SH3BGR: variants seen among roughly 807,000 people sequenced by gnomAD.
SH3BGR encodes SH3 domain-binding glutamic acid-rich protein.
SH3BGR carries 29 observed loss-of-function variants against 24.5 expected under a neutral mutation model. The observed-to-expected ratio is 1.18, with a 90% confidence interval of 0.88 to 1.61. The LOEUF is 1.61. SH3BGR is among the 40% of genes most tolerant of loss of function. The pLI, the probability that SH3BGR is intolerant of heterozygous loss-of-function variation, is 0.00. For missense variants in SH3BGR, 162 were observed against 205.8 expected (o/e 0.79, Z 1.30); for synonymous variants, 55 against 65.7 (o/e 0.84, Z 0.79).
At chr21:39,494,073 G>T (rs909259870) in intron 3 of SH3BGR, among the ~76,000 whole-genome samples, 3 of 151,998 alleles carry the variant, frequency 2.0e-5, no homozygotes, top group African/African-American at 7.2e-5. Context: ...AGTCTACTTA[G>T]ACTTAATGTT....
At chr21:39,494,705 A>G (rs1466000259) in intron 3 of SH3BGR, among the ~76,000 whole-genome samples, 1 of 151,478 alleles carries the variant, frequency 6.6e-6, no homozygotes, top group Non-Finnish European at 1.5e-5. Context: ...TGTACTTATT[A>G]TTATTGGGGT....
intron 3 of SH3BGR, among the ~76,000 whole-genome samples, chr21:39,484,147 T>C (rs1254152479): frequency 1.3e-5 from 2 of 152,188 alleles, no homozygotes; most frequent in African/African-American, 4.8e-5. Context: ...ATGAGAATGA[T>C]GGGAAAAGGT....
intron 2 of SH3BGR, among the ~76,000 whole-genome samples, chr21:39,468,670 C>T (rs2077883802): frequency 6.6e-6 from 1 of 152,194 alleles, no homozygotes; most frequent in Admixed American, 6.5e-5. Flanking sequence ...AATTCCTGGG[C>T]TCAAGCAATC....
chr21:39,445,947 ACGT>A (rs1170417362), exon 1 of SH3BGR: 1 of 151,882 alleles, frequency 6.6e-6, no homozygotes, highest in East Asian at 1.9e-4. Flanking sequence ...TCTTGTGTAG[ACGT>A]CTGTAAACGA....
At chr21:39,486,065 CT>C (rs2078208495) in intron 3 of SH3BGR, among the ~76,000 whole-genome samples, 1 of 152,198 alleles carries the variant, frequency 6.6e-6, no homozygotes, top group Non-Finnish European at 1.5e-5. Context: ...TACTGTGGGG[CT>C]CTGAGCAGTC....
chr21:39,501,078 T>G (rs919281872), intron 4 of SH3BGR, among the ~76,000 whole-genome samples: 2 of 152,218 alleles, frequency 1.3e-5, no homozygotes, highest in South Asian at 4.1e-4. Flanking sequence ...AAAAATTAAA[T>G]ATAGTGACCA....
intron 1 of SH3BGR, among the ~76,000 whole-genome samples, chr21:39,455,229 ACTTT>A (rs1319901855): frequency 1.3e-5 from 2 of 152,206 alleles, no homozygotes; most frequent in Non-Finnish European, 2.9e-5. Flanking sequence ...AGAGAACAAT[ACTTT>A]CTTATAAGTA....
At chr21:39,476,701 T>G (rs1279126381) in intron 3 of SH3BGR, among the ~76,000 whole-genome samples, 2 of 152,148 alleles carry the variant, frequency 1.3e-5, no homozygotes, top group Admixed American at 1.3e-4. Flanking sequence ...TGTCTTTCAG[T>G]AGACATCTCC....
chr21:39,455,139 G>A (rs1161111487), intron 1 of SH3BGR, among the ~76,000 whole-genome samples: 2 of 152,254 alleles, frequency 1.3e-5, no homozygotes, highest in African/African-American at 4.8e-5. Context: ...GAGGTGCCAA[G>A]TGAGTGGCAA....
intron 4 of SH3BGR, among the ~76,000 whole-genome samples, chr21:39,505,671 A>G (rs868455734): frequency 3.3e-5 from 5 of 152,134 alleles, no homozygotes; most frequent in Non-Finnish European, 7.4e-5. Flanking sequence ...AGCCTGAGGC[A>G]GGAGAATAGC....
chr21:39,477,413 G>C (rs1602110961), intron 3 of SH3BGR, among the ~76,000 whole-genome samples: 5 of 152,282 alleles, frequency 3.3e-5, no homozygotes, highest in Admixed American at 3.3e-4. Context: ...CAGGACTACA[G>C]GTGTGAGCCA....
intron 3 of SH3BGR, among the ~76,000 whole-genome samples, chr21:39,497,019 A>G (rs1309725044): frequency 6.6e-6 from 1 of 152,038 alleles, no homozygotes; most frequent in Non-Finnish European, 1.5e-5. Context: ...GAAAATTTTG[A>G]AAAATACTTT....
intron 3 of SH3BGR, among the ~76,000 whole-genome samples, chr21:39,497,193 A>T (rs1039352688): frequency 6.6e-6 from 1 of 150,486 alleles, no homozygotes; most frequent in African/African-American, 2.4e-5. Context: ...TTTTCATTGT[A>T]TCAGTATTTA....
intron 1 of SH3BGR, among the ~76,000 whole-genome samples, chr21:39,457,730 G>T (rs984036434): frequency 8.6e-5 from 13 of 151,720 alleles, no homozygotes; most frequent in Non-Finnish European, 1.3e-4. Context: ...CCAGGATTTT[G>T]AGACCAGCCT....
intron 3 of SH3BGR, among the ~76,000 whole-genome samples, chr21:39,475,819 G>C (rs566578670): frequency 6.6e-6 from 1 of 152,322 alleles, no homozygotes; most frequent in African/African-American, 2.4e-5. Context: ...TAATTCATGT[G>C]ACTTGCTAAG....
rs191661127 is a variant in SH3BGR, at chr21:39,487,963, T to C, written c.313-11860T>C. Among the ~76,000 whole-genome samples, 67 of 152,312 alleles carry C rather than the reference T, an allele frequency of 4.4e-4. 1 individual carries two copies. Among genetic ancestry groups the C allele is most frequent in the Admixed American group, 2.6e-3 (40 of 15,302 alleles). On this transcript the variant is annotated intron_variant, in intron 3 of 6. Coordinates refer to ENST00000333634, the MANE Select transcript of SH3BGR (RefSeq NM_007341.3). ...CATTTGTTGAGAAGCATAAAAGATA[T>C]GAATTTGGAGCACAAAATTCATTCA...
chr21:39,487,079 C>G (rs1166283687), intron 3 of SH3BGR, among the ~76,000 whole-genome samples: 1 of 152,134 alleles, frequency 6.6e-6, no homozygotes, highest in Admixed American at 6.6e-5. Context: ...TGAAAGACAT[C>G]CAGTTATTTA....
At chr21:39,470,363 A>G (rs1439437352) in intron 2 of SH3BGR, among the ~76,000 whole-genome samples, 5 of 151,870 alleles carry the variant, frequency 3.3e-5, no homozygotes, top group Non-Finnish European at 7.4e-5. Context: ...GGTTCAAGCA[A>G]TTCTCCTGCC....
chr21:39,455,725 C>T (rs2077644384), intron 1 of SH3BGR, among the ~76,000 whole-genome samples: 1 of 152,226 alleles, frequency 6.6e-6, no homozygotes, highest in African/African-American at 2.4e-5. Context: ...CCTCTTCCCT[C>T]CTCTGGCCTG....
Sources: allele counts gnomAD v4.1 joint callset (sites outside exome capture counted in the v4.1 genomes callset), GRCh38; gene constraint gnomAD v4.1.1; transcripts MANE v1.5; gene names NCBI Gene and HGNC (gene_info 2026-07-23, HGNC 2026-07-21).